STAMBP: variants seen among roughly 807,000 people sequenced by gnomAD.
The protein encoded by STAMBP is STAM-binding protein.
STAMBP carries 31 observed loss-of-function variants against 50.7 expected under a neutral mutation model. The ratio of observed to expected loss-of-function variants is 0.61; its 90% CI spans 0.46 to 0.83. STAMBP has a LOEUF of 0.83. Among genes scored for constraint, STAMBP ranks in the 40% least tolerant of loss-of-function variants. STAMBP has a pLI of 0.00. For synonymous variants in STAMBP, 211 were observed against 192.4 expected (o/e 1.10, Z -0.80); for missense variants, 472 against 518.9 (o/e 0.91, Z 0.88).
At chr2:73,843,303 T>G (rs995099310) in intron 2 of STAMBP, among the ~76,000 whole-genome samples, 7 of 148,906 alleles carry the variant, frequency 4.7e-5, no homozygotes, top group Non-Finnish European at 1.0e-4. Flanking sequence ...GATCGAGAGA[T>G]CCTCCTGCCT....
intron 2 of STAMBP, among the ~76,000 whole-genome samples, chr2:73,834,054 T>C (rs1388595146): frequency 4.7e-5 from 7 of 150,340 alleles, no homozygotes; most frequent in African/African-American, 1.7e-4. Flanking sequence ...CTACTAAAAA[T>C]ACAAAAATTA....
In STAMBP at chr2:73,862,934, G is replaced by C. The variant is rs11677969; in HGVS notation, c.*675G>C. 0.033 allele frequency: 3,945 copies of C among 120,924 alleles called. 79 individuals carry two copies. The highest frequency in any genetic ancestry group is 0.044 in the Non-Finnish European group (2,729 of 62,692). 7.5% of individuals were successfully genotyped at this position (120,924 alleles called of 1,614,324 possible). On this transcript the variant is annotated 3_prime_UTR_variant, in exon 10 of 10. Transcript: ENST00000394070. The stretch of plus-strand genomic sequence containing the variant: ...ATTTGATCAAGCATTGTATAAACAG[G>C]TTAAAAAAAAGGTATGGTTGTTTTG...
At position 73,830,756 on chromosome 2, in the gene STAMBP, T is replaced by C. The variant is rs988835688; in HGVS notation, c.-12-89T>C. On this transcript the variant is annotated intron_variant, in intron 1 of 9. Coordinates refer to ENST00000394070, the MANE Select transcript of STAMBP (RefSeq NM_213622.4). ...TTGGTATGTTTCTCTTATATTTTCT[T>C]CTTAAGGTAGAGGTCTGTGAGATAA... is the stretch of plus-strand genomic sequence containing the variant. 3.9e-5 allele frequency: 37 copies of C among 956,332 alleles called. 1 individual carries two copies. Among genetic ancestry groups the C allele is most frequent in the Middle Eastern group, 3.3e-4 (1 of 3,022 alleles). 59.2% of individuals were successfully genotyped at this position (956,332 alleles called of 1,614,324 possible). A position where few individuals can be genotyped will look rare whatever the true frequency, so the allele number is the denominator to read the frequency against.
At chr2:73,829,755 G>T (rs564845805) in intron 1 of STAMBP, among the ~76,000 whole-genome samples, 6 of 152,314 alleles carry the variant, frequency 3.9e-5, no homozygotes, top group Middle Eastern at 3.4e-3. Context: ...GAGACCTAAA[G>T]ATGGAATTGG....
intron 4 of STAMBP, among the ~76,000 whole-genome samples, chr2:73,846,694 T>C (rs769135321): frequency 6.6e-6 from 1 of 151,916 alleles, no homozygotes; most frequent in Non-Finnish European, 1.5e-5. Flanking sequence ...TTCTATTTTA[T>C]AGCCTTACTT....
chr2:73,859,065 G>A (rs1393209839), intron 7 of STAMBP, among the ~76,000 whole-genome samples, 189 bp from the exon 8 acceptor site: 2 of 152,090 alleles, frequency 1.3e-5, no homozygotes, highest in East Asian at 1.9e-4. Flanking sequence ...AAACAGAACA[G>A]TTATAAAAAT....
chr2:73,846,455 G>A (rs576939341), intron 4 of STAMBP, among the ~76,000 whole-genome samples: 32 of 151,708 alleles, frequency 2.1e-4, no homozygotes, highest in African/African-American at 6.8e-4. Context: ...ACAAAAATTA[G>A]CTGGGTCTCT....
At position 73,862,782 on chromosome 2, in the gene STAMBP, T is replaced by C. The variant is rs1678483360; in HGVS notation, c.*523T>C. On this transcript the variant is annotated 3_prime_UTR_variant, in exon 10 of 10. Coordinates refer to ENST00000394070, the MANE Select transcript of STAMBP (RefSeq NM_213622.4). The stretch of plus-strand genomic sequence containing the variant: ...GACAGCTTACTCCATTTGACCAGAT[T>C]GTTTGGCTAACACATCCCGAAGAAT... The C allele has an allele frequency of 6.6e-6, 1 of 152,664 alleles. No homozygotes were observed. Among genetic ancestry groups the C allele is most frequent in the African/African-American group, 2.4e-5 (1 of 41,456 alleles). The allele number at this position is 152,664 out of a possible 1,614,324, so 9.5% of individuals were successfully genotyped here.
At chr2:73,845,285 G>A (rs1250184583) in intron 4 of STAMBP, 23 bp downstream of exon 4, 1 of 1,554,222 alleles carries the variant, frequency 6.4e-7, no homozygotes. Context: ...CAGCTAAGAA[G>A]AAAATTATTT....
chr2:73,862,313 G>A lies in STAMBP; in HGVS notation c.*54G>A. The A allele has an allele frequency of 6.6e-7, 1 of 1,505,982 alleles. No homozygotes were observed. The highest frequency in any genetic ancestry group is 1.3e-5 in the South Asian group (1 of 78,376). 93.3% of individuals were successfully genotyped at this position (1,505,982 alleles called of 1,614,324 possible). ...AACAAAACCATATCAGTGTACTGTA[G>A]CCCCTTAATTTAAGCTTTCTAGAAA... On this transcript the variant is annotated 3_prime_UTR_variant, in exon 10 of 10. Transcript: ENST00000394070.
At chr2:73,870,022 G>A (rs1679140143), downstream of STAMBP, 1 of 152,172 alleles carries the variant, frequency 6.6e-6, no homozygotes, top group Admixed American at 6.5e-5. Flanking sequence ...GTAGGTGATA[G>A]AATTATGGGA....
At chr2:73,857,985 C>A (rs1677777247) in intron 7 of STAMBP, among the ~76,000 whole-genome samples, 1 of 151,504 alleles carries the variant, frequency 6.6e-6, no homozygotes, top group African/African-American at 2.4e-5. Flanking sequence ...CTCCTTATTT[C>A]TTTTTCTTTT....
At chr2:73,834,222 AAAAAAAAAAAAAAAATATATAT>A (rs1486318176) in intron 2 of STAMBP, among the ~76,000 whole-genome samples, 121 of 26,832 alleles carry the variant, frequency 4.5e-3, no homozygotes, top group Non-Finnish European at 7.7e-3. Flanking sequence ...AAAAAAAAAA[AAAAAAAAAAAAAAAATATATAT>A]ATATATATAT....
chr2:73,845,348 G>A, intron 4 of STAMBP, 86 bp downstream of exon 4: 1 of 956,818 alleles, frequency 1.0e-6, no homozygotes, highest in South Asian at 1.5e-5. Context: ...AATATATCCT[G>A]TGCTTTTAAT....
chr2:73,867,882 T>TA (rs200365270), downstream of STAMBP, among the ~76,000 whole-genome samples: 4,712 of 151,880 alleles, frequency 0.031, 117 homozygotes, highest in Middle Eastern at 0.051. Context: ...CCCAGCACTT[T>TA]AGGAGGCCGA....
Position 73,849,348 on chromosome 2 carries a change from C to T in STAMBP, c.743-15C>T, listed in dbSNP as rs750149497. The T allele has an allele frequency of 1.9e-6, 3 of 1,613,552 alleles. No homozygotes were observed. The South Asian group carries it at 3.3e-5, about 18-fold the overall frequency. On this transcript the variant is annotated splice_polypyrimidine_tract_variant and intron_variant, in intron 5 of 9. Coordinates refer to ENST00000394070, the MANE Select transcript of STAMBP (RefSeq NM_213622.4). Reference sequence around the variant, plus strand: ...GGCTCAGTGGTCGCAGACTATTCTCCTTTCTCCTTTACAGTTCCCACAATC... The same window carrying T: ...GGCTCAGTGGTCGCAGACTATTCTCTTTTCTCCTTTACAGTTCCCACAATC...
chr2:73,870,830 A>T (rs548219056), downstream of STAMBP, among the ~76,000 whole-genome samples: 585 of 152,298 alleles, frequency 3.8e-3, 1 homozygote, highest in Non-Finnish European at 5.9e-3. Flanking sequence ...CACGTTGAAC[A>T]GCTCTTAACA....
chr2:73,861,004 G>T (rs147118747), intron 9 of STAMBP, among the ~76,000 whole-genome samples: 5 of 152,214 alleles, frequency 3.3e-5, no homozygotes, highest in African/African-American at 4.8e-5. Context: ...TCTGCTGAGC[G>T]TGAGGAAGAA....
Position 73,831,015 on chromosome 2 carries a change from A to C in STAMBP, c.159A>C (p.Glu53Asp), listed in dbSNP as rs752375524. 1.2e-6 allele frequency: 2 copies of C among 1,614,238 alleles called. No homozygotes were observed. The highest frequency in any genetic ancestry group is 1.7e-6 in the Non-Finnish European group (2 of 1,180,030). Residue 53 changes from glutamate to aspartate, a missense_variant, in exon 2 of 10, where the codon GAA (glutamate) becomes GAC (aspartate). Physicochemically the swap from Glu to Asp is conservative, Grantham distance 45. Transcript: ENST00000394070. ...IIRMASIYSE[E>D]GNIEHAFILY... The stretch of plus-strand genomic sequence containing the variant: ...GAATGGCATCCATTTACTCTGAGGA[A>C]GGCAACATTGAACATGCCTTCATCC...
Sources: allele counts gnomAD v4.1 joint callset (sites outside exome capture counted in the v4.1 genomes callset), GRCh38; gene constraint gnomAD v4.1.1; transcripts MANE v1.5; gene names NCBI Gene and HGNC (gene_info 2026-07-23, HGNC 2026-07-21).